Variants in GCA observed in about 807,000 individuals in gnomAD.
The protein encoded by GCA is grancalcin, EF-hand calcium-binding protein.
In GCA, 30 loss-of-function variants were observed where a neutral mutation model predicts 32.6. The observed-to-expected ratio is 0.92, with a 90% CI of 0.69 to 1.25. The LOEUF (loss-of-function observed/expected upper bound fraction) is 1.25. GCA is among the 50% of genes most tolerant of loss of function. The probability of loss-of-function intolerance (pLI) is 0.00; values close to 1 mark genes in which losing one functional copy is unlikely to be tolerated. For synonymous variants in GCA, 102 were observed against 84.6 expected (o/e 1.21, Z -1.13); for missense variants, 291 against 266.8 (o/e 1.09, Z -0.63).
At position 162,344,314 on chromosome 2, in the gene GCA, G is replaced by A. The variant is rs1353606275; in HGVS notation, c.27+39G>A. The A allele has an allele frequency of 1.2e-5, 20 of 1,605,338 alleles. No homozygotes were observed. In the South Asian group the frequency reaches 2.2e-4, roughly 18 times the overall value. ...GCTTGGTCGTGTCCCTCTTCCTCGC[G>A]GGGTGTGGCGCCCCCGGGGGCGGTG... On this transcript the variant is annotated intron_variant, in intron 1 of 7. Transcript: ENST00000437150.
At chr2:162,341,971 A>G (rs1684468143), upstream of GCA, among the ~76,000 whole-genome samples, 1 of 152,224 alleles carries the variant, frequency 6.6e-6, no homozygotes, top group African/African-American at 2.4e-5. Context: ...TTCACTCTAT[A>G]ACTATTTTTA....
chr2:162,375,281 C>T (rs1686121545), downstream of GCA, among the ~76,000 whole-genome samples: 1 of 152,154 alleles, frequency 6.6e-6, no homozygotes, highest in Admixed American at 6.5e-5. Context: ...AGAACTGCAT[C>T]AACAAGGGAG....
chr2:162,337,378 G>T (rs1684302437), intron 1 of GCA, among the ~76,000 whole-genome samples: 1 of 152,282 alleles, frequency 6.6e-6, no homozygotes, highest in African/African-American at 2.4e-5. Context: ...CCTAAGGGTG[G>T]TAATGGGTCC....
chr2:162,358,975 A>T (rs912368864), intron 5 of GCA, 69 bp from the exon 6 acceptor site: 17 of 696,732 alleles, frequency 2.4e-5, no homozygotes, highest in Admixed American at 2.3e-4. Flanking sequence ...TTATGACTTA[A>T]TGAGAAAGCA....
In GCA at chr2:162,356,344, T is replaced by C. The variant is rs1372185998; in HGVS notation, c.263-94T>C. On this transcript the variant is annotated intron_variant, in intron 3 of 7. Coordinates refer to ENST00000437150, the MANE Select transcript of GCA (RefSeq NM_012198.5). ...TGGTGATTTTATATATTTTGGCAGT[T>C]TTTTAATGTTTTATTTTGAAACTGG... The C allele has an allele frequency of 1.4e-5, 11 of 763,218 alleles. No homozygotes were observed. The East Asian group carries it at 1.7e-4, about 12-fold the overall frequency. The allele number at this position is 763,218 out of a possible 1,614,324, so 47.3% of individuals were successfully genotyped here.
In GCA at chr2:162,352,374, T is replaced by A. The variant is rs756668151; in HGVS notation, c.229T>A (p.Leu77Met). 6.3e-7 allele frequency: 1 copy of A among 1,595,678 alleles called. No individual in the cohort carries two copies. Residue 77 changes from leucine to methionine, a missense_variant, in exon 3 of 8, where the codon TTG becomes ATG. Physicochemically the swap from Leu to Met is conservative, Grantham distance 15 (BLOSUM62 2). Coordinates refer to ENST00000437150, the MANE Select transcript of GCA (RefSeq NM_012198.5). ...GGATGCTGAAGAACTTCAGAGATGT[T>A]TGACACAGTCTGGAATTAATGGAAC... ...EVDAEELQRC[L>M]TQSGINGTYS...
intron 2 of GCA, among the ~76,000 whole-genome samples, chr2:162,350,245 T>C (rs1684923601): frequency 6.6e-6 from 1 of 152,206 alleles, no homozygotes; most frequent in Non-Finnish European, 1.5e-5. Flanking sequence ...CCCTTCATTC[T>C]TCCTGCCTGG....
intron 1 of GCA, among the ~76,000 whole-genome samples, chr2:162,336,219 A>T (rs1684265863): frequency 6.6e-6 from 1 of 152,228 alleles, no homozygotes; most frequent in Admixed American, 6.5e-5. Flanking sequence ...TTTCAAATTT[A>T]TACATGAAAA....
At chr2:162,343,633 C>G (rs1446767997), upstream of GCA, among the ~76,000 whole-genome samples, 1 of 152,196 alleles carries the variant, frequency 6.6e-6, no homozygotes, top group Non-Finnish European at 1.5e-5. Context: ...CAGAAGCACT[C>G]CTCCTGGACC....
At chr2:162,340,534 T>C (rs1201206170), upstream of GCA, among the ~76,000 whole-genome samples, 2 of 152,212 alleles carry the variant, frequency 1.3e-5, no homozygotes, top group Non-Finnish European at 2.9e-5. Flanking sequence ...AACCTCCTTC[T>C]GTCTGTTGTC....
intron 1 of GCA, among the ~76,000 whole-genome samples, chr2:162,325,997 G>A (rs1683863123): frequency 6.6e-6 from 1 of 152,068 alleles, no homozygotes; most frequent in African/African-American, 2.4e-5. Flanking sequence ...TCTAGGAGGG[G>A]GCAAGTGAGA....
chr2:162,353,986 A>G (rs1188566090), intron 3 of GCA, among the ~76,000 whole-genome samples: 1 of 151,818 alleles, frequency 6.6e-6, no homozygotes, highest in East Asian at 1.9e-4. Context: ...TTTCATTAAT[A>G]TCCAAGAGCT....
At chr2:162,323,070 T>C (rs1000831708) in intron 1 of GCA, among the ~76,000 whole-genome samples, 12 of 151,846 alleles carry the variant, frequency 7.9e-5, no homozygotes, top group Non-Finnish European at 1.6e-4. Flanking sequence ...CCATCACCTG[T>C]TGTTTCCTGA....
At chr2:162,373,394 C>G, downstream of GCA, 1 of 1,065,342 alleles carries the variant, frequency 9.4e-7, no homozygotes. Flanking sequence ...CCACAGCACC[C>G]CAAGTGATTC....
At chr2:162,365,773 A>AT, downstream of GCA, among the ~76,000 whole-genome samples, 1 of 151,806 alleles carries the variant, frequency 6.6e-6, no homozygotes, top group African/African-American at 2.4e-5. Flanking sequence ...TGGCTAGGAG[A>AT]TAAAAACTAG....
chr2:162,371,783 C>T, downstream of GCA: 1 of 1,534,836 alleles, frequency 6.5e-7, no homozygotes, highest in Non-Finnish European at 8.9e-7. Context: ...GGAAAACAGC[C>T]ATTAAAAGCA....
In GCA at chr2:162,360,214, T is replaced by C. The variant is rs373460240; in HGVS notation, c.628-3T>C. ...ATAGATAATAATTTCACTTATGTAT[T>C]AGTTTTTGCAGGGCACTATGGCAAT... is the stretch of plus-strand genomic sequence containing the variant. On this transcript the variant is annotated splice_polypyrimidine_tract_variant and splice_region_variant and intron_variant, in intron 7 of 7. Coordinates refer to ENST00000437150, the MANE Select transcript of GCA (RefSeq NM_012198.5). 2 of 1,495,708 alleles carry C rather than the reference T, an allele frequency of 1.3e-6. No homozygotes were observed. Among genetic ancestry groups the C allele is most frequent in the Non-Finnish European group, 1.9e-6 (2 of 1,080,640 alleles). 92.7% of individuals were successfully genotyped at this position (1,495,708 alleles called of 1,614,324 possible). A position where few individuals can be genotyped will look rare whatever the true frequency, so the allele number is the denominator to read the frequency against.
intron 1 of GCA, among the ~76,000 whole-genome samples, chr2:162,336,319 T>G (rs1005850673): frequency 2.0e-5 from 3 of 152,134 alleles, no homozygotes; most frequent in Non-Finnish European, 4.4e-5. Flanking sequence ...TTTAAAATAA[T>G]GTACAGAAAG....
At chr2:162,356,037 A>G (rs1047918264) in intron 3 of GCA, among the ~76,000 whole-genome samples, 1 of 151,942 alleles carries the variant, frequency 6.6e-6, no homozygotes, top group Non-Finnish European at 1.5e-5. Context: ...ACTCTCTCCC[A>G]TATACTTTAA....
Sources: allele counts gnomAD v4.1 joint callset (sites outside exome capture counted in the v4.1 genomes callset), GRCh38; gene constraint gnomAD v4.1.1; transcripts MANE v1.5; gene names NCBI Gene and HGNC (gene_info 2026-07-23, HGNC 2026-07-21).